The following CCNI variants were observed in gnomAD, a reference collection of about 807,000 sequenced individuals.
CCNI encodes the protein cyclin-I.
CCNI carries 14 observed loss-of-function variants against 34.1 expected under a neutral mutation model. That is an observed-to-expected ratio of 0.41 (90% CI 0.27 to 0.64). The LOEUF (loss-of-function observed/expected upper bound fraction) is 0.64, where lower values mean the gene tolerates loss of function less well. CCNI is among the 30% of genes least tolerant of loss of function. The pLI is 0.31. For missense variants in CCNI, 385 were observed against 440.5 expected (o/e 0.87, Z 1.13); for synonymous variants, 154 against 158.4 (o/e 0.97, Z 0.21).
chr4:77,054,292 G>A (rs1043428040), intron 6 of CCNI, among the ~76,000 whole-genome samples: 2 of 152,088 alleles, frequency 1.3e-5, no homozygotes, highest in Non-Finnish European at 1.5e-5. Context: ...ATTGCAAAAT[G>A]TTAAGCTTAG....
chr4:77,070,478 T>C (rs1258880199), intron 1 of CCNI, among the ~76,000 whole-genome samples: 14 of 150,346 alleles, frequency 9.3e-5, no homozygotes, highest in Admixed American at 1.3e-4. Flanking sequence ...TACTTTCTTT[T>C]TTTTTTTTTT....
intron 2 of CCNI, chr4:77,064,585 G>GCGCACGCACACACA (rs375436623): frequency 1.4e-5 from 2 of 143,034 alleles, no homozygotes; most frequent in African/African-American, 5.3e-5. Flanking sequence ...GCGCGCGCGC[G>GCGCACGCACACACA]CACACACACA....
intron 1 of CCNI, among the ~76,000 whole-genome samples, chr4:77,067,665 G>C (rs1005526618): frequency 7.2e-6 from 1 of 138,200 alleles, no homozygotes; most frequent in Admixed American, 7.5e-5. Flanking sequence ...TAATTTTGTG[G>C]GGTTTTTTTT....
chr4:77,057,061 A>G (rs1728292956), intron 3 of CCNI, among the ~76,000 whole-genome samples: 2 of 152,218 alleles, frequency 1.3e-5, no homozygotes, highest in African/African-American at 4.8e-5. Context: ...CAAAATTAAA[A>G]AATTTTTTGT....
chr4:77,050,639 C>T (rs1313840633), intron 6 of CCNI, among the ~76,000 whole-genome samples: 4 of 152,120 alleles, frequency 2.6e-5, no homozygotes, highest in East Asian at 3.9e-4. Context: ...ACACTATTAA[C>T]TAGTATTAGA....
chr4:77,047,455 AGTT>A lies in CCNI; in HGVS notation c.*761_*763del, dbSNP rs1467988136. ...CTATCAGTTAGAAAAATCTAATTTAAGTTGTTAATACATGTTTCTTTGGTGAGC... is the reference window on the plus strand; with the variant it reads ...CTATCAGTTAGAAAAATCTAATTTAAGTTAATACATGTTTCTTTGGTGAGC... On this transcript the variant is annotated 3_prime_UTR_variant, in exon 7 of 7. Transcript: ENST00000237654. 8 of 151,874 alleles carry A rather than the reference AGTT, an allele frequency of 5.3e-5. No individual in the cohort carries two copies. The highest frequency in any genetic ancestry group is 3.3e-4 in the Admixed American group (5 of 15,242). 9.4% of individuals were successfully genotyped at this position (151,874 alleles called of 1,614,324 possible).
intron 2 of CCNI, among the ~76,000 whole-genome samples, chr4:77,061,605 A>G (rs1387607198): frequency 2.0e-5 from 3 of 152,200 alleles, no homozygotes; most frequent in Non-Finnish European, 2.9e-5. Flanking sequence ...CCATTACCTA[A>G]AAGATTAAGT....
intron 1 of CCNI, among the ~76,000 whole-genome samples, chr4:77,067,132 T>C (rs551956747): frequency 6.6e-6 from 1 of 151,944 alleles, no homozygotes; most frequent in African/African-American, 2.4e-5. Context: ...CTCGGGAGGC[T>C]GAAGCAGGAG....
At chr4:77,064,417 A>T (rs1312008188) in intron 2 of CCNI, among the ~76,000 whole-genome samples, 2 of 152,164 alleles carry the variant, frequency 1.3e-5, no homozygotes, top group East Asian at 3.9e-4. Flanking sequence ...CAGCTATAAA[A>T]AAGTTTTGAG....
rs779830208 is a variant in CCNI at position 77,048,225 on chromosome 4, G to A, written c.1128C>T (p.Val376=). The A allele has an allele frequency of 2.4e-5, 38 of 1,612,286 alleles. No individual in the cohort carries two copies. Among genetic ancestry groups the A allele is most frequent in the Non-Finnish European group, 3.1e-5 (37 of 1,179,006 alleles). ...AAGGTAGCACTTGTTGAAACTACATGACAGAAACAGGCTGCAAAGGTGGAC... is the reference window on the plus strand; with the variant it reads ...AAGGTAGCACTTGTTGAAACTACATAACAGAAACAGGCTGCAAAGGTGGAC... ...SPCPPLQPVS[V]M The change falls in exon 7 of 7, where the codon GTC becomes GTT. Residue 376 remains valine, a synonymous_variant. Transcript: ENST00000237654.
chr4:77,062,052 C>T (rs991090872), intron 2 of CCNI, among the ~76,000 whole-genome samples: 3 of 152,134 alleles, frequency 2.0e-5, no homozygotes, highest in Non-Finnish European at 4.4e-5. Context: ...TACTGATGAT[C>T]CTTCCTTGCC....
chr4:77,062,604 G>T (rs956690885), intron 2 of CCNI, among the ~76,000 whole-genome samples: 1 of 152,020 alleles, frequency 6.6e-6, no homozygotes, highest in African/African-American at 2.4e-5. Flanking sequence ...CTTTGATGAA[G>T]TAGGAAGCAG....
rs375815113 is a variant in CCNI at position 77,067,790 on chromosome 4, TAAAAAAAAAAAAAAAAAAAA to T, written c.-43-1405_-43-1386del. Among the ~76,000 whole-genome samples, 26 of 98,696 alleles carry T rather than the reference TAAAAAAAAAAAAAAAAAAAA, an allele frequency of 2.6e-4. 1 individual carries two copies. The South Asian group carries it at 9.0e-3, about 34-fold the overall frequency. 64.7% of individuals were successfully genotyped at this position (98,696 alleles called of 152,430 possible). ...GAGCCACCGTGCAGGCTTCTAGGTT[TAAAAAAAAAAAAAAAAAAAA>T]AAAAAAAAAGAAGCAAACTACAGAC... On this transcript the variant is annotated intron_variant, in intron 1 of 6. Transcript: ENST00000237654.
chr4:77,050,599 AAAGGCATTAG>A (rs1463578493), intron 6 of CCNI, among the ~76,000 whole-genome samples: 12 of 152,304 alleles, frequency 7.9e-5, no homozygotes, highest in African/African-American at 2.4e-4. Context: ...CCCTAGTTTG[AAAGGCATTAG>A]ATAACACACT....
rs570794966 is a variant in CCNI, at chr4:77,072,281, A to G, written c.-44+3191T>C. Among the ~76,000 whole-genome samples the G allele has an allele frequency of 9.7e-4, 147 of 152,004 alleles. No individual in the cohort carries two copies. The Middle Eastern group carries it at 0.014, about 14-fold the overall frequency. On this transcript the variant is annotated intron_variant, in intron 1 of 6. Transcript: ENST00000237654. ...TTTGCTCACTCTAGAGAAAGCTAACAAAGAAAAAGTAAAACGAGGTAAAAT... is the reference window on the plus strand; with the variant it reads ...TTTGCTCACTCTAGAGAAAGCTAACGAAGAAAAAGTAAAACGAGGTAAAAT...
At chr4:77,055,746 C>T (rs1728175475) in intron 5 of CCNI, among the ~76,000 whole-genome samples, 2 of 152,154 alleles carry the variant, frequency 1.3e-5, no homozygotes. Context: ...GGATTACAGG[C>T]GTGAGCCACC....
intron 1 of CCNI, 108 bp from the exon 2 acceptor site, chr4:77,066,513 T>G (rs966440177): frequency 2.9e-6 from 2 of 699,830 alleles, no homozygotes; most frequent in African/African-American, 3.6e-5. Context: ...TGAGGCAGTA[T>G]AGGATTTTAT....
At chr4:77,070,567 C>T (rs1208449159) in intron 1 of CCNI, among the ~76,000 whole-genome samples, 1 of 151,436 alleles carries the variant, frequency 6.6e-6, no homozygotes, top group Non-Finnish European at 1.5e-5. Flanking sequence ...ATATTCTATC[C>T]CTGTTGCATA....
At chr4:77,063,704 AATAG>A (rs1036041397) in intron 2 of CCNI, among the ~76,000 whole-genome samples, 2 of 150,526 alleles carry the variant, frequency 1.3e-5, no homozygotes, top group African/African-American at 5.0e-5. Flanking sequence ...AAAAAAAAAA[AATAG>A]AATAGAGAAG....
Sources: allele counts gnomAD v4.1 joint callset (sites outside exome capture counted in the v4.1 genomes callset), GRCh38; gene constraint gnomAD v4.1.1; transcripts MANE v1.5; gene names NCBI Gene and HGNC (gene_info 2026-07-23, HGNC 2026-07-21).